The following STX8 variants were observed in gnomAD, a reference collection of about 807,000 sequenced individuals.
STX8 encodes syntaxin 8.
Under a neutral mutation model 37.5 loss-of-function variants are expected in STX8, and 23 were observed. The ratio of observed to expected loss-of-function variants is 0.61; its 90% CI spans 0.44 to 0.87. The LOEUF (loss-of-function observed/expected upper bound fraction) is 0.87, where lower values mean the gene tolerates loss of function less well. STX8 is among the 40% of genes least tolerant of loss of function. The pLI is 0.00. For synonymous variants in STX8, 115 were observed against 99.1 expected, an observed-to-expected ratio of 1.16 and a Z score of -0.95; for missense variants, 313 against 284.7, an observed-to-expected ratio of 1.10 and a Z score of -0.71.
chr17:9,548,073 C>T (rs529301706), intron 3 of STX8, among the ~76,000 whole-genome samples: 1 of 151,560 alleles, frequency 6.6e-6, no homozygotes, highest in South Asian at 2.1e-4. Flanking sequence ...AAGCATGAGC[C>T]ACTTCACCTG....
chr17:9,404,960 T>A (rs1393867828), intron 6 of STX8, among the ~76,000 whole-genome samples: 1 of 152,134 alleles, frequency 6.6e-6, no homozygotes, highest in Non-Finnish European at 1.5e-5. Context: ...TTGAAACCCT[T>A]CAACCTCCAC....
intron 7 of STX8, among the ~76,000 whole-genome samples, chr17:9,336,592 C>T (rs1470215265): frequency 2.6e-5 from 4 of 152,034 alleles, no homozygotes; most frequent in Admixed American, 2.6e-4. Context: ...CCCGCCAACA[C>T]GTCCAGCTAA....
At chr17:9,372,500 T>A (rs557907307) in intron 7 of STX8, among the ~76,000 whole-genome samples, 1 of 152,162 alleles carries the variant, frequency 6.6e-6, no homozygotes, top group African/African-American at 2.4e-5. Context: ...TTTTCTGAGA[T>A]GGAGTCATGC....
At chr17:9,387,056 T>C (rs1370535275) in intron 6 of STX8, among the ~76,000 whole-genome samples, 1 of 151,938 alleles carries the variant, frequency 6.6e-6, no homozygotes, top group African/African-American at 2.4e-5. Flanking sequence ...TCAGTGTTCT[T>C]TCCTTCATAA....
At chr17:9,263,539 A>C (rs2142130083) in intron 7 of STX8, among the ~76,000 whole-genome samples, 1 of 152,328 alleles carries the variant, frequency 6.6e-6, no homozygotes, top group Non-Finnish European at 1.5e-5. Context: ...AATTTGTCTT[A>C]AATGTCTTTC....
chr17:9,333,864 A>AAT (rs1262067742), intron 7 of STX8, among the ~76,000 whole-genome samples: 4 of 152,146 alleles, frequency 2.6e-5, no homozygotes, highest in African/African-American at 9.7e-5. Flanking sequence ...GTAACTGCCC[A>AAT]GTGGGTTCAC....
chr17:9,405,103 T>C (rs914378999), intron 6 of STX8, among the ~76,000 whole-genome samples: 1 of 152,216 alleles, frequency 6.6e-6, no homozygotes, highest in Non-Finnish European at 1.5e-5. Context: ...ATTATTGTTT[T>C]GGGCTTGATG....
At chr17:9,375,194 TTAAA>T (rs1361260055) in intron 7 of STX8, among the ~76,000 whole-genome samples, 1 of 151,940 alleles carries the variant, frequency 6.6e-6, no homozygotes, top group African/African-American at 2.4e-5. Flanking sequence ...ACATATATAA[TTAAA>T]TAAAATGAGG....
At chr17:9,330,612 C>G (rs1194368952) in intron 7 of STX8, among the ~76,000 whole-genome samples, 13 of 152,218 alleles carry the variant, frequency 8.5e-5, no homozygotes, top group Non-Finnish European at 1.8e-4. Context: ...CAGGAATGCC[C>G]GTGCACTGGC....
At chr17:9,345,568 T>A (rs1218973128) in intron 7 of STX8, among the ~76,000 whole-genome samples, 1 of 152,172 alleles carries the variant, frequency 6.6e-6, no homozygotes, top group Non-Finnish European at 1.5e-5. Flanking sequence ...GATATATTTT[T>A]AAAATTTTTT....
intron 7 of STX8, among the ~76,000 whole-genome samples, chr17:9,350,423 G>A (rs1306691676): frequency 2.6e-5 from 4 of 152,222 alleles, no homozygotes; most frequent in African/African-American, 7.2e-5. Context: ...AGAGCAGTTG[G>A]TGTTGCTTTC....
chr17:9,434,457 G>A (rs908041650), intron 6 of STX8, among the ~76,000 whole-genome samples: 16 of 152,352 alleles, frequency 1.1e-4, no homozygotes, highest in African/African-American at 3.6e-4. Flanking sequence ...AGGACTTGTG[G>A]CAGGAAACCC....
Position 9,505,050 on chromosome 17 carries a change from T to C in STX8, c.436A>G (p.Lys146Glu). Residue 146 changes from lysine to glutamate, a missense_variant, in exon 5 of 8, where the codon AAA becomes GAA. Physicochemically the swap from Lys to Glu is moderately conservative, Grantham distance 56. Transcript: ENST00000306357. Reference protein sequence around the residue: ...GFDEIRQQQQKIIQEQDAGLD... With the variant: ...GFDEIRQQQQEIIQEQDAGLD... ...GGATATTTAGTACCTTGGATAATTT[T>C]CTGCTGCTGTTGCCGGATTTCATCA... is the stretch of plus-strand genomic sequence containing the variant. The C allele has an allele frequency of 6.2e-7, 1 of 1,612,704 alleles. No individual in the cohort carries two copies. Among genetic ancestry groups the C allele is most frequent in the South Asian group, 1.1e-5 (1 of 91,016 alleles).
chr17:9,304,045 A>G (rs1422501210), intron 7 of STX8, among the ~76,000 whole-genome samples: 1 of 152,168 alleles, frequency 6.6e-6, no homozygotes, highest in Non-Finnish European at 1.5e-5. Context: ...TCATTATCAC[A>G]CAGGATCCAT....
At chr17:9,262,567 T>G (rs556175540) in intron 7 of STX8, among the ~76,000 whole-genome samples, 3 of 149,912 alleles carry the variant, frequency 2.0e-5, no homozygotes, top group South Asian at 4.2e-4. Flanking sequence ...TGTTTTTTGT[T>G]TTTTTTGTTT....
intron 6 of STX8, among the ~76,000 whole-genome samples, chr17:9,443,880 T>A (rs931564888): frequency 1.3e-5 from 2 of 152,224 alleles, no homozygotes; most frequent in Non-Finnish European, 2.9e-5. Context: ...CATCAGCTCT[T>A]ATTACCAAAT....
chr17:9,411,242 T>C (rs1012685050), intron 6 of STX8, among the ~76,000 whole-genome samples: 1 of 152,236 alleles, frequency 6.6e-6, no homozygotes, highest in Non-Finnish European at 1.5e-5. Flanking sequence ...CTCTGACCTA[T>C]ACTAGCAGTG....
chr17:9,458,681 T>C, intron 6 of STX8, among the ~76,000 whole-genome samples: 1 of 152,192 alleles, frequency 6.6e-6, no homozygotes, highest in Non-Finnish European at 1.5e-5. Context: ...GAAGTATGGA[T>C]CAGAGAGGCT....
chr17:9,575,759 C>T (rs367635238), intron 1 of STX8, 33 bp downstream of exon 1: 73 of 1,546,546 alleles, frequency 4.7e-5, no homozygotes, highest in Middle Eastern at 3.6e-4. Context: ...CCGAAGGTCC[C>T]TCCACGCACC....
Sources: allele counts gnomAD v4.1 joint callset (sites outside exome capture counted in the v4.1 genomes callset), GRCh38; gene constraint gnomAD v4.1.1; transcripts MANE v1.5; gene names NCBI Gene and HGNC (gene_info 2026-07-23, HGNC 2026-07-21).